DYSF: variants seen among roughly 807,000 people sequenced by gnomAD.
DYSF encodes the protein dysferlin.
In DYSF, 212 loss-of-function variants were observed where a neutral mutation model predicts 274.9. The observed-to-expected ratio is 0.77, with a 90% CI of 0.69 to 0.86. DYSF has a LOEUF of 0.86. DYSF is among the 40% of genes least tolerant of loss of function. The pLI is 0.00. For synonymous variants in DYSF, 1,091 were observed against 1,078.7 expected (o/e 1.01, Z -0.22); for missense variants, 2,666 against 2,783.2 (o/e 0.96, Z 0.95).
chr2:71,638,791 A>T (rs193132813), intron 41 of DYSF, among the ~76,000 whole-genome samples: 117 of 152,316 alleles, frequency 7.7e-4, no homozygotes, highest in African/African-American at 2.8e-3. Context: ...TGCTTTGAAC[A>T]TTCATGTACA....
rs776855967 is a variant in DYSF at position 71,658,966 on chromosome 2, A to G, written c.4844A>G (p.Gln1615Arg). The change falls in exon 44 of 56, where the codon CAG (glutamine) becomes CGG (arginine). Residue 1615 changes from glutamine to arginine, a missense_variant. Physicochemically the swap from Gln to Arg is conservative, Grantham distance 43. Transcript: ENST00000410020. ...CACCAGCTGGCCGCCCAGGGACCCCAGGAGTGCTTGGTCCGTATCTACATT... is the reference window on the plus strand; with the variant it reads ...CACCAGCTGGCCGCCCAGGGACCCCGGGAGTGCTTGGTCCGTATCTACATT... The part of the protein sequence containing the change: ...QFHQLAAQGP[Q>R]ECLVRIYIVR... 6 of 1,613,994 alleles carry G rather than the reference A, an allele frequency of 3.7e-6. 1 individual carries two copies. The African/African-American group carries it at 8.0e-5, about 22-fold the overall frequency.
chr2:71,535,313 T>C lies in DYSF; in HGVS notation c.1493+2T>C. On this transcript the variant is annotated splice_donor_variant, in intron 16 of 55. Transcript: ENST00000410020. LOFTEE classifies it high-confidence loss of function. ...AATGAGGATTCGTATCATAGACTGG[T>C]GAGTTCTGAGTCTTGGAGTCTTTAG... 1 of 1,613,938 alleles carries C rather than the reference T, an allele frequency of 6.2e-7. No homozygotes were observed. Among genetic ancestry groups the C allele is most frequent in the Non-Finnish European group, 8.5e-7 (1 of 1,179,874 alleles).
chr2:71,559,305 G>A (rs749565381), intron 22 of DYSF, among the ~76,000 whole-genome samples: 13 of 152,280 alleles, frequency 8.5e-5, no homozygotes, highest in Non-Finnish European at 1.5e-4. Context: ...CAGAATCCAC[G>A]CTGGAAACCT....
chr2:71,620,111 C>G (rs1258283576), intron 40 of DYSF, among the ~76,000 whole-genome samples: 1 of 152,070 alleles, frequency 6.6e-6, no homozygotes. Context: ...GGAACCATGC[C>G]CTGCAGTGTT....
intron 36 of DYSF, 43 bp downstream of exon 36, chr2:71,602,848 G>T: frequency 6.2e-7 from 1 of 1,609,298 alleles, no homozygotes; most frequent in South Asian, 1.1e-5. Flanking sequence ...CCGAGGTAGA[G>T]GGAAGGTGAA....
chr2:71,504,637 C>T (rs78297868), intron 4 of DYSF, among the ~76,000 whole-genome samples: 365 of 152,286 alleles, frequency 2.4e-3, no homozygotes, highest in African/African-American at 5.3e-3. Flanking sequence ...AGGCAGCTGG[C>T]GAGAGAAAGC....
intron 14 of DYSF, among the ~76,000 whole-genome samples, chr2:71,531,729 C>A (rs544672043): frequency 6.6e-6 from 1 of 152,012 alleles, no homozygotes; most frequent in Non-Finnish European, 1.5e-5. Context: ...TGCTGTCTGG[C>A]GTTCCTCAGC....
rs751473506 is a variant in DYSF, at chr2:71,674,196, G to C, written c.5785-1G>C. On this transcript the variant is annotated splice_acceptor_variant, in intron 51 of 55. Coordinates refer to ENST00000410020, the MANE Select transcript of DYSF (RefSeq NM_001130987.2). LOFTEE classifies it high-confidence loss of function. ...CCTTCTCTGTTCCTCTTCCGGGTCA[G>C]GATGCCTTCTGGAGGCTGGACAAGA... 1 of 1,614,152 alleles carries C rather than the reference G, an allele frequency of 6.2e-7. No homozygotes were observed. Among genetic ancestry groups the C allele is most frequent in the Non-Finnish European group, 8.5e-7 (1 of 1,179,984 alleles).
intron 45 of DYSF, among the ~76,000 whole-genome samples, chr2:71,662,381 C>G (rs2094897274): frequency 6.6e-6 from 1 of 152,126 alleles, no homozygotes; most frequent in African/African-American, 2.4e-5. Context: ...CCTGATGGCT[C>G]TAGGGGAGTG....
intron 32 of DYSF, among the ~76,000 whole-genome samples, chr2:71,591,468 T>A (rs1456443372): frequency 1.3e-5 from 2 of 152,286 alleles, no homozygotes; most frequent in Non-Finnish European, 2.9e-5. Context: ...AAACACTTGC[T>A]GAGTGCTCAC....
chr2:71,527,293 C>A (rs1007739157), intron 13 of DYSF, among the ~76,000 whole-genome samples: 2 of 152,198 alleles, frequency 1.3e-5, no homozygotes, highest in Non-Finnish European at 2.9e-5. Context: ...AGAAGGTTTG[C>A]AACTTGGGTC....
Position 71,659,138 on chromosome 2 carries a change from G to A in DYSF, c.4911+105G>A. ...TGCCTCAGGGAGTTCATAGTAGGTT[G>A]GGAAACAGACAAACACACAAAACTG... On this transcript the variant is annotated intron_variant, in intron 44 of 55. Transcript: ENST00000410020. The A allele has an allele frequency of 2.0e-6, 3 of 1,482,530 alleles. No individual in the cohort carries two copies. In the Admixed American group the frequency reaches 5.3e-5, roughly 26 times the overall value. The allele number at this position is 1,482,530 out of a possible 1,614,324, so 91.8% of individuals were successfully genotyped here.
intron 1 of DYSF, among the ~76,000 whole-genome samples, chr2:71,478,818 CTCACGTGCTCTCTT>C (rs2082630395): frequency 6.6e-6 from 1 of 152,008 alleles, no homozygotes; most frequent in Admixed American, 6.6e-5. Context: ...TTTGCTCCCT[CTCACGTGCTCTCTT>C]TCTCTTTTTT....
chr2:71,658,281 T>C (rs2094812404), intron 43 of DYSF, among the ~76,000 whole-genome samples: 1 of 152,198 alleles, frequency 6.6e-6, no homozygotes, highest in Non-Finnish European at 1.5e-5. Context: ...TCAGCCTGGA[T>C]TTTATTGTCC....
At chr2:71,503,361 T>G in intron 4 of DYSF, 42 bp downstream of exon 4, 8 of 1,601,722 alleles carry the variant, frequency 5.0e-6, no homozygotes, top group Non-Finnish European at 6.8e-6. Flanking sequence ...GTCCAAGGCA[T>G]TGCCAGGTGG....
intron 14 of DYSF, among the ~76,000 whole-genome samples, chr2:71,528,872 C>T (rs111330567): frequency 3.9e-5 from 6 of 152,288 alleles, no homozygotes; most frequent in African/African-American, 7.2e-5. Flanking sequence ...TGCCCTGAGG[C>T]GGGACTGTGG....
At chr2:71,579,888 A>G (rs1214303574) in intron 30 of DYSF, among the ~76,000 whole-genome samples, 1 of 152,230 alleles carries the variant, frequency 6.6e-6, no homozygotes, top group Non-Finnish European at 1.5e-5. Flanking sequence ...TCTGCTGGAC[A>G]GTGCTGCTCT....
At chr2:71,609,496 A>C (rs1461890536) in intron 36 of DYSF, among the ~76,000 whole-genome samples, 1 of 152,214 alleles carries the variant, frequency 6.6e-6, no homozygotes, top group East Asian at 1.9e-4. Flanking sequence ...CAATTCTAGT[A>C]ATAGTTACAG....
chr2:71,634,664 C>A (rs1255473378), intron 41 of DYSF, among the ~76,000 whole-genome samples: 4 of 151,994 alleles, frequency 2.6e-5, no homozygotes, highest in African/African-American at 9.7e-5. Context: ...GCAGAAAAAC[C>A]CCGGTAATCA....
Sources: gnomAD v4.1 joint callset for allele counts (sites outside exome capture counted in the v4.1 genomes callset) on GRCh38, gnomAD v4.1.1 for gene constraint, MANE v1.5 for transcripts, NCBI Gene and HGNC (gene_info 2026-07-23, HGNC 2026-07-21) for gene names.